Variants in NAALADL2 observed in about 807,000 individuals in gnomAD.
The protein encoded by NAALADL2 is N-acetylated alpha-linked acidic dipeptidase like 2.
In NAALADL2, 76 loss-of-function variants were observed where a neutral mutation model predicts 87.2. That is an observed-to-expected ratio of 0.87 (90% CI 0.72 to 1.05). NAALADL2 has a LOEUF of 1.05. NAALADL2 is among the 50% of genes least tolerant of loss of function. NAALADL2 has a pLI of 0.00. For missense variants in NAALADL2, 1,089 were observed against 945.8 expected (o/e 1.15, Z -1.99); for synonymous variants, 354 against 331.0 (o/e 1.07, Z -0.75).
upstream of NAALADL2, among the ~76,000 whole-genome samples, chr3:174,854,983 TC>T (rs958554796): frequency 1.4e-4 from 21 of 151,442 alleles, no homozygotes; most frequent in African/African-American, 3.6e-4. Context: ...GACTACAGAC[TC>T]CCACCACCAC....
At chr3:174,737,988 T>C (rs1578735515) in intron 3 of NAALADL2, among the ~76,000 whole-genome samples, 1 of 152,316 alleles carries the variant, frequency 6.6e-6, no homozygotes, top group East Asian at 1.9e-4. Context: ...TGTGTGGCTG[T>C]TGAAATTGGT....
At chr3:175,600,514 T>C (rs1055187918) in intron 10 of NAALADL2, among the ~76,000 whole-genome samples, 1 of 146,768 alleles carries the variant, frequency 6.8e-6, no homozygotes, top group African/African-American at 2.5e-5. Flanking sequence ...GTCCCACAAA[T>C]GTGTCTTAGT....
At chr3:175,684,962 T>C (rs1280232693) in intron 11 of NAALADL2, among the ~76,000 whole-genome samples, 3 of 152,174 alleles carry the variant, frequency 2.0e-5, no homozygotes, top group African/African-American at 7.2e-5. Flanking sequence ...AAATGCACAG[T>C]GGAATAAGTA....
chr3:175,760,144 G>C (rs1333738182), intron 13 of NAALADL2, among the ~76,000 whole-genome samples: 1 of 152,154 alleles, frequency 6.6e-6, no homozygotes, highest in Non-Finnish European at 1.5e-5. Flanking sequence ...TTTAGTGATT[G>C]TGTGGCTCTA....
chr3:175,075,243 A>G (rs1446635150), intron 1 of NAALADL2, among the ~76,000 whole-genome samples: 2 of 152,244 alleles, frequency 1.3e-5, no homozygotes, highest in South Asian at 2.1e-4. Flanking sequence ...AACGTATGCT[A>G]TTATTTTGTG....
chr3:175,095,635 T>C (rs1326275193), intron 1 of NAALADL2, among the ~76,000 whole-genome samples: 1 of 152,128 alleles, frequency 6.6e-6, no homozygotes, highest in African/African-American at 2.4e-5. Flanking sequence ...CATAATTCTG[T>C]GCATAATGCC....
chr3:174,827,472 G>A (rs1158769939), intron 3 of NAALADL2, among the ~76,000 whole-genome samples: 2 of 152,150 alleles, frequency 1.3e-5, no homozygotes, highest in Admixed American at 1.3e-4. Context: ...ATCAGAGCAA[G>A]TCTGTTTCAC....
chr3:175,617,701 C>T (rs1422033082), intron 10 of NAALADL2, among the ~76,000 whole-genome samples: 1 of 152,166 alleles, frequency 6.6e-6, no homozygotes, highest in African/African-American at 2.4e-5. Context: ...TAGCTTCCTC[C>T]TGATATCAAG....
intron 1 of NAALADL2, among the ~76,000 whole-genome samples, chr3:175,066,574 C>T (rs947655626): frequency 6.6e-6 from 1 of 152,132 alleles, no homozygotes; most frequent in Admixed American, 6.6e-5. Context: ...TACACAACTG[C>T]TCTTTTACCC....
intron 12 of NAALADL2, among the ~76,000 whole-genome samples, chr3:175,753,989 C>A (rs1746927581): frequency 6.6e-6 from 1 of 152,124 alleles, no homozygotes; most frequent in African/African-American, 2.4e-5. Context: ...TGTACCTAGT[C>A]TGCTGAGAAT....
rs113860029 is a variant in NAALADL2, at chr3:175,108,430, C to G, written c.545+11139C>G. On this transcript the variant is annotated intron_variant, in intron 2 of 13. Coordinates refer to ENST00000454872, the MANE Select transcript of NAALADL2 (RefSeq NM_207015.3). ...AGAACAAGAAACAAAAGAAGCAGTT[C>G]CAATTCTATGGAGTACATTTGTATC... 6.6e-5 allele frequency among the ~76,000 whole-genome samples: 10 copies of G among 152,074 alleles called. 1 individual carries two copies. The highest frequency in any genetic ancestry group is 2.4e-4 in the African/African-American group (10 of 41,538).
chr3:175,265,912 A>G (rs1007282870), intron 4 of NAALADL2, among the ~76,000 whole-genome samples: 8 of 151,260 alleles, frequency 5.3e-5, no homozygotes, highest in Non-Finnish European at 8.9e-5. Context: ...CCTCATGAAT[A>G]TTCATTAAAT....
At chr3:174,675,494 C>A (rs577366943) in intron 2 of NAALADL2, among the ~76,000 whole-genome samples, 1 of 152,114 alleles carries the variant, frequency 6.6e-6, no homozygotes, top group Admixed American at 6.6e-5. Flanking sequence ...GGCTTTGCTG[C>A]AGTAATTGTG....
chr3:174,446,156 A>T (rs775972682), intron 1 of NAALADL2, among the ~76,000 whole-genome samples: 4 of 152,166 alleles, frequency 2.6e-5, no homozygotes, highest in African/African-American at 7.2e-5. Context: ...TTTCTAAAAA[A>T]TTAGACTTTC....
chr3:175,269,993 A>C (rs1294732291), intron 4 of NAALADL2, among the ~76,000 whole-genome samples: 1 of 152,184 alleles, frequency 6.6e-6, no homozygotes, highest in African/African-American at 2.4e-5. Context: ...ATATGTGAGA[A>C]TTTATCATAC....
At chr3:174,905,986 ATTC>A (rs10588254) in intron 1 of NAALADL2, among the ~76,000 whole-genome samples, 1,533 of 152,212 alleles carry the variant, frequency 0.01, 36 homozygotes, top group African/African-American at 0.036. Flanking sequence ...TGATACATTA[ATTC>A]TTCATTTTTT....
intron 2 of NAALADL2, among the ~76,000 whole-genome samples, chr3:174,619,340 A>G (rs917616803): frequency 5.9e-5 from 9 of 151,896 alleles, no homozygotes; most frequent in Admixed American, 1.3e-4. Flanking sequence ...TTGCCTTTCT[A>G]TCTCTTTATA....
chr3:175,698,475 A>ATATATT (rs1201100046), intron 11 of NAALADL2, among the ~76,000 whole-genome samples: 1 of 110,800 alleles, frequency 9.0e-6, no homozygotes, highest in African/African-American at 5.0e-5. Context: ...ATATGTGTGT[A>ATATATT]TATATATTTA....
intron 11 of NAALADL2, among the ~76,000 whole-genome samples, chr3:175,696,673 C>A (rs1056384321): frequency 6.6e-6 from 1 of 152,094 alleles, no homozygotes; most frequent in African/African-American, 2.4e-5. Flanking sequence ...TGGTTCAAGA[C>A]ACTCATTTAA....
Sources: allele counts gnomAD v4.1 joint callset (sites outside exome capture counted in the v4.1 genomes callset), GRCh38; gene constraint gnomAD v4.1.1; transcripts MANE v1.5; gene names NCBI Gene and HGNC (gene_info 2026-07-23, HGNC 2026-07-21).